Variants in ELP3 observed in about 807,000 individuals in gnomAD.
ELP3 encodes elongator acetyltransferase complex subunit 3, also known as elongator complex protein 3.
A neutral mutation model predicts 74.9 loss-of-function variants in ELP3; 56 were observed. The ratio of observed to expected loss-of-function variants is 0.75; its 90% CI spans 0.60 to 0.93. The LOEUF (loss-of-function observed/expected upper bound fraction) is 0.93. Ranked by LOEUF, ELP3 falls within the 40% of genes least tolerant of loss-of-function variation. ELP3 has a pLI of 0.00. For synonymous variants in ELP3, 222 were observed against 239.8 expected, an observed-to-expected ratio of 0.93 and a Z score of 0.68; for missense variants, 573 against 686.5, an observed-to-expected ratio of 0.83 and a Z score of 1.85.
Position 28,160,429 on chromosome 8 carries a change from C to T in ELP3, c.1458C>T (p.Ser486=), listed in dbSNP as rs1814029107. The T allele has an allele frequency of 6.2e-7, 1 of 1,613,918 alleles. No homozygotes were observed. The highest frequency in any genetic ancestry group is 8.5e-7 in the Non-Finnish European group (1 of 1,179,934). ...ATGGGAGTGTGGTCCCTGTGAGCAG[C>T]CGGGATCCTACTAAATTTCAGCATC... The part of the protein sequence containing the change: ...HVYGSVVPVS[S]RDPTKFQHQG... The change falls in exon 13 of 15, where the codon AGC becomes AGT. Residue 486 remains serine, a synonymous_variant. Coordinates refer to ENST00000256398, the MANE Select transcript of ELP3 (RefSeq NM_018091.6).
chr8:28,114,658 T>C (rs944569722), intron 7 of ELP3, among the ~76,000 whole-genome samples: 3 of 152,066 alleles, frequency 2.0e-5, no homozygotes, highest in Non-Finnish European at 4.4e-5. Context: ...ACCTCCAATA[T>C]TGGGGATCAC....
intron 3 of ELP3, 85 bp from the exon 4 acceptor site, chr8:28,106,628 C>G (rs139966374): frequency 0.015 from 16,568 of 1,069,662 alleles, 184 homozygotes; most frequent in Non-Finnish European, 0.019. Flanking sequence ...TTGCATTCCT[C>G]TCCTTCCTTC....
At position 28,093,183 on chromosome 8, in the gene ELP3, A is replaced by C. The variant is rs371339480; in HGVS notation, c.-32A>C. Reference sequence around the variant, plus strand: ...GGTCTGAGTTTGTGGCTGCATTTTTATCTCTGGTGGCTCTGCTACGGCGGC... The same window carrying C: ...GGTCTGAGTTTGTGGCTGCATTTTTCTCTCTGGTGGCTCTGCTACGGCGGC... On this transcript the variant is annotated 5_prime_UTR_variant, in exon 1 of 15. Coordinates refer to ENST00000256398, the MANE Select transcript of ELP3 (RefSeq NM_018091.6). 2 of 1,610,968 alleles carry C rather than the reference A, an allele frequency of 1.2e-6. No individual in the cohort carries two copies. The highest frequency in any genetic ancestry group is 1.3e-5 in the African/African-American group (1 of 74,860).
intron 9 of ELP3, among the ~76,000 whole-genome samples, chr8:28,137,386 CT>C (rs1813029892): frequency 6.6e-6 from 1 of 152,104 alleles, no homozygotes; most frequent in African/African-American, 2.4e-5. Context: ...AATTGATGAA[CT>C]TTCCAGGCAA....
intron 9 of ELP3, among the ~76,000 whole-genome samples, chr8:28,135,690 A>G (rs1812960336): frequency 6.6e-6 from 1 of 151,976 alleles, no homozygotes; most frequent in African/African-American, 2.4e-5. Context: ...TTGATCCAGT[A>G]CCCCTGTTTT....
intron 7 of ELP3, among the ~76,000 whole-genome samples, chr8:28,122,934 G>A (rs1490267841): frequency 6.6e-6 from 1 of 152,166 alleles, no homozygotes; most frequent in Non-Finnish European, 1.5e-5. Flanking sequence ...GACCAGCCTG[G>A]CCAACATGGC....
chr8:28,113,144 T>TA lies in ELP3; in HGVS notation c.589dup (p.Thr197AsnfsTer13), dbSNP rs1311945925. ...ATTTACATGATGCCTTATCAGGACA[T>TA]ACTTCCAACAATATTTACGAGGCAG... On this transcript the variant is annotated frameshift_variant, in exon 7 of 15. Coordinates refer to ENST00000256398, the MANE Select transcript of ELP3 (RefSeq NM_018091.6). LOFTEE classifies it high-confidence loss of function. 5 of 1,613,348 alleles carry TA rather than the reference T, an allele frequency of 3.1e-6. No homozygotes were observed. The African/African-American group carries it at 6.7e-5, about 22-fold the overall frequency.
At chr8:28,151,960 C>T (rs1813657713) in intron 10 of ELP3, among the ~76,000 whole-genome samples, 2 of 152,190 alleles carry the variant, frequency 1.3e-5, no homozygotes, top group African/African-American at 4.8e-5. Context: ...AACTCTCAGA[C>T]TTGTCTGAGC....
intron 10 of ELP3, among the ~76,000 whole-genome samples, chr8:28,146,147 C>G (rs923184565): frequency 6.6e-6 from 1 of 151,924 alleles, no homozygotes; most frequent in African/African-American, 2.4e-5. Flanking sequence ...GGAACATCTT[C>G]CAGGGTGTTT....
chr8:28,117,828 G>A (rs1288274259), intron 7 of ELP3, among the ~76,000 whole-genome samples: 1 of 152,180 alleles, frequency 6.6e-6, no homozygotes, highest in Non-Finnish European at 1.5e-5. Context: ...TGTTTTGAGG[G>A]AAACTTTGTA....
chr8:28,190,067 C>G lies in ELP3; in HGVS notation c.*342C>G, dbSNP rs1392787212. On this transcript the variant is annotated 3_prime_UTR_variant, in exon 15 of 15. Coordinates refer to ENST00000256398, the MANE Select transcript of ELP3 (RefSeq NM_018091.6). ...ACTCATTTGGACACCATAACTCATG[C>G]AATAAAACTGATTGTCATTCGAGGA... 3 of 194,022 alleles carry G rather than the reference C, an allele frequency of 1.5e-5. No individual in the cohort carries two copies. The highest frequency in any genetic ancestry group is 5.6e-5 in the Admixed American group (1 of 17,792). 12.0% of individuals were successfully genotyped at this position (194,022 alleles called of 1,614,324 possible).
intron 14 of ELP3, among the ~76,000 whole-genome samples, chr8:28,169,063 C>T (rs564801411): frequency 1.3e-5 from 2 of 152,306 alleles, no homozygotes; most frequent in South Asian, 4.1e-4. Flanking sequence ...ATTTCTAAGA[C>T]AGTGCCTGTT....
At chr8:28,166,796 C>A (rs1814323045) in intron 14 of ELP3, among the ~76,000 whole-genome samples, 1 of 152,234 alleles carries the variant, frequency 6.6e-6, no homozygotes, top group African/African-American at 2.4e-5. Context: ...CCATTTAACA[C>A]CCCCAACAGA....
intron 10 of ELP3, among the ~76,000 whole-genome samples, chr8:28,138,359 C>T (rs1460755428): frequency 6.6e-6 from 1 of 152,090 alleles, no homozygotes; most frequent in African/African-American, 2.4e-5. Flanking sequence ...TTGAAGAAAA[C>T]AAAATAATCT....
intron 1 of ELP3, among the ~76,000 whole-genome samples, chr8:28,095,085 C>G (rs967418365): frequency 2.0e-5 from 3 of 152,096 alleles, no homozygotes; most frequent in African/African-American, 7.2e-5. Context: ...TGTTAGAAAG[C>G]TGGATTTTAG....
At chr8:28,182,509 C>A (rs564619792) in intron 14 of ELP3, among the ~76,000 whole-genome samples, 2 of 152,080 alleles carry the variant, frequency 1.3e-5, no homozygotes, top group African/African-American at 4.8e-5. Context: ...TGCAGTGAGC[C>A]GAGATCACGC....
Position 28,093,202 on chromosome 8 carries a change from C to G in ELP3, c.-13C>G, listed in dbSNP as rs751618627. On this transcript the variant is annotated 5_prime_UTR_variant, in exon 1 of 15. Coordinates refer to ENST00000256398, the MANE Select transcript of ELP3 (RefSeq NM_018091.6). ...ATTTTTATCTCTGGTGGCTCTGCTA[C>G]GGCGGCGCAGAAATGAGGCAGAAGC... 3 of 1,612,644 alleles carry G rather than the reference C, an allele frequency of 1.9e-6. No homozygotes were observed. Among genetic ancestry groups the G allele is most frequent in the African/African-American group, 2.7e-5 (2 of 74,886 alleles).
intron 14 of ELP3, among the ~76,000 whole-genome samples, chr8:28,187,670 T>G (rs1400754462): frequency 6.6e-6 from 1 of 152,152 alleles, no homozygotes; most frequent in Non-Finnish European, 1.5e-5. Flanking sequence ...AGTCTCTTGA[T>G]TTGGAATTTG....
chr8:28,095,358 A>G (rs4732817), intron 1 of ELP3, among the ~76,000 whole-genome samples: 6,745 of 152,322 alleles, frequency 0.044, 258 homozygotes, highest in Admixed American at 0.11. Flanking sequence ...CAGAACCTCA[A>G]TATATAAACA....
Sources: allele counts gnomAD v4.1 joint callset (sites outside exome capture counted in the v4.1 genomes callset), GRCh38; gene constraint gnomAD v4.1.1; transcripts MANE v1.5; gene names NCBI Gene and HGNC (gene_info 2026-07-23, HGNC 2026-07-21).